RBFOX1: variants seen among roughly 807,000 people sequenced by gnomAD.
The protein encoded by RBFOX1 is RNA binding fox-1 homolog 1.
A neutral mutation model predicts 57.7 loss-of-function variants in RBFOX1; 8 were observed. That is an observed-to-expected ratio of 0.14 (90% CI 0.08 to 0.25). RBFOX1 has a LOEUF of 0.25. RBFOX1 is among the 10% of genes least tolerant of loss of function. The pLI is 1.00. For missense variants in RBFOX1, 611 were observed against 548.5 expected (o/e 1.11, Z -1.14); for synonymous variants, 326 against 222.4 (o/e 1.47, Z -4.15).
intron 4 of RBFOX1, among the ~76,000 whole-genome samples, chr16:7,304,911 G>C (rs981855329): frequency 8.4e-6 from 1 of 118,542 alleles, no homozygotes; most frequent in African/African-American, 3.3e-5. Context: ...GTGGTGTGTG[G>C]TGTGGTGTGT....
intron 3 of RBFOX1, among the ~76,000 whole-genome samples, chr16:5,782,465 C>T (rs2054355273): frequency 6.6e-6 from 1 of 152,188 alleles, no homozygotes. Context: ...TCCCAGAAAC[C>T]ATCACCTCCC....
At chr16:7,359,073 A>C (rs1031257203) in intron 4 of RBFOX1, among the ~76,000 whole-genome samples, 2 of 152,206 alleles carry the variant, frequency 1.3e-5, no homozygotes, top group African/African-American at 4.8e-5. Flanking sequence ...TGTCAGCTAC[A>C]GCATAGCCAT....
intron 1 of RBFOX1, among the ~76,000 whole-genome samples, chr16:5,311,069 C>G (rs1200431548): frequency 6.6e-6 from 1 of 152,168 alleles, no homozygotes; most frequent in Non-Finnish European, 1.5e-5. Context: ...TTAGATTCCA[C>G]TTGTAAGTGA....
At chr16:7,364,249 C>A (rs1173801467) in intron 4 of RBFOX1, among the ~76,000 whole-genome samples, 1 of 152,088 alleles carries the variant, frequency 6.6e-6, no homozygotes, top group Non-Finnish European at 1.5e-5. Flanking sequence ...CTTCTAAGCA[C>A]TTGGCTGCCA....
At chr16:6,764,421 C>T (rs535160817) in intron 3 of RBFOX1, among the ~76,000 whole-genome samples, 3 of 152,154 alleles carry the variant, frequency 2.0e-5, no homozygotes, top group African/African-American at 4.8e-5. Flanking sequence ...CTGTTACCAG[C>T]AGGTAATGCA....
At chr16:5,926,677 A>C (rs115560160) in intron 4 of RBFOX1, among the ~76,000 whole-genome samples, 13,508 of 152,256 alleles carry the variant, frequency 0.089, 968 homozygotes, top group African/African-American at 0.19. Context: ...TTGGATTCTT[A>C]GCTGAAGACT....
intron 3 of RBFOX1, among the ~76,000 whole-genome samples, chr16:7,021,004 T>C: frequency 6.6e-6 from 1 of 152,132 alleles, no homozygotes. Context: ...GGCAGGCATC[T>C]GTAATCCCAG....
At chr16:7,332,066 T>C (rs1289767002) in intron 4 of RBFOX1, among the ~76,000 whole-genome samples, 3 of 152,146 alleles carry the variant, frequency 2.0e-5, no homozygotes, top group African/African-American at 7.2e-5. Flanking sequence ...AGAATGTCGT[T>C]AAAAACACAA....
At chr16:6,599,325 G>T (rs2097819276) in intron 2 of RBFOX1, among the ~76,000 whole-genome samples, 1 of 152,142 alleles carries the variant, frequency 6.6e-6, no homozygotes, top group African/African-American at 2.4e-5. Flanking sequence ...TCAGCCAGGG[G>T]TCCTCTAATG....
rs186445234 is a variant in RBFOX1, at chr16:7,011,461, T to G, written c.-15-40596T>G. On this transcript the variant is annotated intron_variant, in intron 3 of 15. Transcript: ENST00000550418. Reference sequence around the variant, plus strand: ...GGGCCTTCCAAGTTGGATTTTTGTTTGTTTGTTTTTGTTGTGTGTGTTTGT... The same window carrying G: ...GGGCCTTCCAAGTTGGATTTTTGTTGGTTTGTTTTTGTTGTGTGTGTTTGT... Among the ~76,000 whole-genome samples, 3 of 152,240 alleles carry G rather than the reference T, an allele frequency of 2.0e-5. No individual in the cohort carries two copies. The East Asian group carries it at 5.8e-4, about 29-fold the overall frequency.
chr16:6,357,844 G>T (rs527952905), intron 2 of RBFOX1, among the ~76,000 whole-genome samples: 1 of 151,902 alleles, frequency 6.6e-6, no homozygotes, highest in Non-Finnish European at 1.5e-5. Context: ...CCAACTACTT[G>T]GGAGGCTGAG....
intron 2 of RBFOX1, among the ~76,000 whole-genome samples, chr16:6,427,615 G>A (rs959998872): frequency 7.2e-5 from 11 of 152,184 alleles, no homozygotes; most frequent in African/African-American, 2.7e-4. Context: ...TGAGGAGGAC[G>A]TGGAGCTGCC....
intron 3 of RBFOX1, among the ~76,000 whole-genome samples, chr16:6,830,638 T>G (rs765151057): frequency 6.6e-6 from 1 of 152,268 alleles, no homozygotes; most frequent in South Asian, 2.1e-4. Flanking sequence ...TACCACAGTA[T>G]ATAGAACAGC....
chr16:5,484,012 A>G (rs1290182929), intron 2 of RBFOX1, among the ~76,000 whole-genome samples: 1 of 152,136 alleles, frequency 6.6e-6, no homozygotes, highest in Non-Finnish European at 1.5e-5. Flanking sequence ...CTTGCCAAAA[A>G]TAAAAATAAA....
chr16:7,167,639 T>C (rs1004044432), intron 4 of RBFOX1, among the ~76,000 whole-genome samples: 3 of 152,212 alleles, frequency 2.0e-5, no homozygotes, highest in Admixed American at 2.0e-4. Flanking sequence ...TTTTGATAAG[T>C]TGTTACTGCA....
chr16:6,916,028 G>C (rs1028216015), intron 3 of RBFOX1, among the ~76,000 whole-genome samples: 2 of 152,034 alleles, frequency 1.3e-5, no homozygotes, highest in Non-Finnish European at 1.5e-5. Flanking sequence ...CAGCTGTCTT[G>C]ACTGGCAGGA....
intron 2 of RBFOX1, among the ~76,000 whole-genome samples, chr16:6,344,425 A>C: frequency 3.8e-5 from 1 of 26,320 alleles, no homozygotes; most frequent in East Asian, 4.6e-4. Flanking sequence ...TTTTTGAGAC[A>C]GAGTCTCTAT....
At chr16:6,570,818 T>G (rs1293939248) in intron 2 of RBFOX1, among the ~76,000 whole-genome samples, 1 of 152,218 alleles carries the variant, frequency 6.6e-6, no homozygotes, top group African/African-American at 2.4e-5. Context: ...ATTTTACTTT[T>G]AAAGACTCAA....
chr16:7,653,773 G>C, intron 11 of RBFOX1, 42 bp from the exon 12 acceptor site: 2 of 1,587,232 alleles, frequency 1.3e-6, no homozygotes, highest in Non-Finnish European at 1.7e-6. Flanking sequence ...GTGTGCATCT[G>C]ACAGCCTGTG....
Sources: allele counts gnomAD v4.1 joint callset (sites outside exome capture counted in the v4.1 genomes callset), GRCh38; gene constraint gnomAD v4.1.1; transcripts MANE v1.5; gene names NCBI Gene and HGNC (gene_info 2026-07-23, HGNC 2026-07-21).